SGK3: variants seen among roughly 807,000 people sequenced by gnomAD.
The protein encoded by SGK3 is serum/glucocorticoid regulated kinase family member 3, also known as serine/threonine-protein kinase Sgk3.
Under a neutral mutation model 68.5 loss-of-function variants are expected in SGK3, and 47 were observed. The ratio of observed to expected loss-of-function variants is 0.69; its 90% confidence interval spans 0.54 to 0.87. The LOEUF (loss-of-function observed/expected upper bound fraction) is 0.87, where lower values mean the gene tolerates loss of function less well. Among genes scored for constraint, SGK3 ranks in the 40% least tolerant of loss-of-function variants. SGK3 has a pLI of 0.00. For synonymous variants in SGK3, 181 were observed against 189.1 expected (o/e 0.96, Z 0.35); for missense variants, 479 against 575.5 (o/e 0.83, Z 1.72).
At chr8:66,720,794 T>TATATATATATATATATAA (rs1345105959) in intron 1 of SGK3, among the ~76,000 whole-genome samples, 44 of 149,732 alleles carry the variant, frequency 2.9e-4, no homozygotes, top group Non-Finnish European at 4.1e-4. Context: ...TATATATATA[T>TATATATATATATATATAA]AATTAGCCAG....
At chr8:66,731,034 T>C (rs1188825704) in intron 1 of SGK3, among the ~76,000 whole-genome samples, 1 of 152,156 alleles carries the variant, frequency 6.6e-6, no homozygotes, top group Non-Finnish European at 1.5e-5. Context: ...AACCCATTGA[T>C]TACTTAAAAG....
chr8:66,808,089 A>G (rs1470448408), intron 4 of SGK3, among the ~76,000 whole-genome samples: 1 of 152,222 alleles, frequency 6.6e-6, no homozygotes, highest in East Asian at 1.9e-4. Context: ...TAAAAAACTA[A>G]TAAAACTAGT....
chr8:66,767,469 C>T (rs1300869545), intron 1 of SGK3: 2 of 1,452,088 alleles, frequency 1.4e-6, no homozygotes, highest in Non-Finnish European at 1.9e-6. Context: ...AAGGAGACTG[C>T]AACAGATTGG....
intron 1 of SGK3, among the ~76,000 whole-genome samples, chr8:66,793,149 GGAGTCA>G (rs1156671077): frequency 6.6e-6 from 1 of 152,170 alleles, no homozygotes; most frequent in Non-Finnish European, 1.5e-5. Flanking sequence ...TTGGAACTCT[GGAGTCA>G]GATGGCCTGG....
chr8:66,836,271 T>C (rs888162403), intron 10 of SGK3, among the ~76,000 whole-genome samples, 197 bp downstream of exon 10: 1 of 152,176 alleles, frequency 6.6e-6, no homozygotes, highest in African/African-American at 2.4e-5. Context: ...TTGAGAAGGT[T>C]CATAAAAGAA....
chr8:66,752,327 G>A (rs975999039), intron 1 of SGK3, among the ~76,000 whole-genome samples: 4 of 152,130 alleles, frequency 2.6e-5, no homozygotes, highest in Non-Finnish European at 5.9e-5. Context: ...GCATGACTTG[G>A]CAATGTTAAA....
chr8:66,855,561 A>G (rs1810478312), intron 16 of SGK3, among the ~76,000 whole-genome samples: 2 of 152,222 alleles, frequency 1.3e-5, no homozygotes, highest in Admixed American at 1.3e-4. Flanking sequence ...CATAAAATTT[A>G]GAAATATCTG....
intron 1 of SGK3, among the ~76,000 whole-genome samples, chr8:66,761,573 A>G (rs753490435): frequency 6.6e-6 from 1 of 152,162 alleles, no homozygotes; most frequent in Non-Finnish European, 1.5e-5. Context: ...GTTTGAGACC[A>G]CCCTAGCCAA....
At chr8:66,806,866 T>C (rs1038117072) in intron 4 of SGK3, among the ~76,000 whole-genome samples, 3 of 149,852 alleles carry the variant, frequency 2.0e-5, no homozygotes, top group Non-Finnish European at 4.4e-5. Context: ...AAATGTAATA[T>C]GTGAAAAAAA....
chr8:66,715,542 C>T (rs766125364), intron 1 of SGK3, among the ~76,000 whole-genome samples: 8 of 152,142 alleles, frequency 5.3e-5, no homozygotes, highest in Non-Finnish European at 1.0e-4. Context: ...CGTGAGCCAC[C>T]GTGCCTGGCC....
chr8:66,820,939 C>G (rs1808786816), intron 5 of SGK3, among the ~76,000 whole-genome samples: 1 of 152,126 alleles, frequency 6.6e-6, no homozygotes, highest in Non-Finnish European at 1.5e-5. Context: ...CTCCTGGCCT[C>G]AAATTATCCT....
intron 1 of SGK3, among the ~76,000 whole-genome samples, chr8:66,755,233 C>T (rs59226286): frequency 0.12 from 17,977 of 144,444 alleles, 2,031 homozygotes; most frequent in African/African-American, 0.31. Context: ...CACTCCAGTC[C>T]GGGGGACAGA....
chr8:66,804,495 G>A, intron 4 of SGK3, 48 bp downstream of exon 4: 2 of 1,584,438 alleles, frequency 1.3e-6, no homozygotes, highest in Non-Finnish European at 8.6e-7. Flanking sequence ...GTTGAAGTTT[G>A]AAGAAGTAAA....
chr8:66,761,623 G>A (rs1164657288), intron 1 of SGK3, among the ~76,000 whole-genome samples: 9 of 152,118 alleles, frequency 5.9e-5, no homozygotes, highest in Non-Finnish European at 1.0e-4. Flanking sequence ...ACACAAGTTA[G>A]CTGAGTGTGG....
chr8:66,756,148 A>G (rs1805966340), intron 1 of SGK3, among the ~76,000 whole-genome samples: 1 of 152,128 alleles, frequency 6.6e-6, no homozygotes, highest in South Asian at 2.1e-4. Context: ...GTACACAAGG[A>G]AGATGCTGTG....
chr8:66,842,664 C>A (rs908555525), intron 13 of SGK3, among the ~76,000 whole-genome samples: 1 of 152,098 alleles, frequency 6.6e-6, no homozygotes, highest in Non-Finnish European at 1.5e-5. Context: ...ACATCTACAA[C>A]TTATACAAGT....
chr8:66,774,854 A>G (rs1050304408), intron 1 of SGK3, among the ~76,000 whole-genome samples: 2 of 151,866 alleles, frequency 1.3e-5, no homozygotes. Flanking sequence ...GCCCGAGGAA[A>G]ATGAGATTAT....
rs71249407 is a variant in SGK3, at chr8:66,786,925, CTTTTTTTTTTTTTT to C, written c.-121-6674_-121-6661del. On this transcript the variant is annotated intron_variant, in intron 1 of 16. Coordinates refer to ENST00000521198, the MANE Select transcript of SGK3 (RefSeq NM_001033578.3). ...TCTGTGAGGGTAGGATTTTCTCTGT[CTTTTTTTTTTTTTT>C]TTTTTTTTTTTTTTTTGAGATGGAG... Among the ~76,000 whole-genome samples, 97 of 48,714 alleles carry C rather than the reference CTTTTTTTTTTTTTT, an allele frequency of 2.0e-3. 1 individual carries two copies. Among genetic ancestry groups the C allele is most frequent in the East Asian group, 0.016 (29 of 1,842 alleles). The allele number at this position is 48,714 out of a possible 152,430, so 32.0% of individuals were successfully genotyped here.
chr8:66,773,087 C>A (rs997942090), intron 1 of SGK3, among the ~76,000 whole-genome samples: 1 of 152,154 alleles, frequency 6.6e-6, no homozygotes, highest in African/African-American at 2.4e-5. Flanking sequence ...GGTATTCCAG[C>A]TAGGAGGCAG....
Sources: allele counts gnomAD v4.1 joint callset (sites outside exome capture counted in the v4.1 genomes callset), GRCh38; gene constraint gnomAD v4.1.1; transcripts MANE v1.5; gene names NCBI Gene and HGNC (gene_info 2026-07-23, HGNC 2026-07-21).